Variants in ZNF277 observed in about 807,000 individuals in gnomAD.
The protein encoded by ZNF277 is zinc finger protein 277, also known as nuclear receptor-interacting factor 4.
In ZNF277, 55 loss-of-function variants were observed where a neutral mutation model predicts 60.7. The ratio of observed to expected loss-of-function variants is 0.91; its 90% CI spans 0.73 to 1.13. The LOEUF (loss-of-function observed/expected upper bound fraction) is 1.13, where lower values mean the gene tolerates loss of function less well. ZNF277 is among the 50% of genes most tolerant of loss of function. The pLI, the probability that ZNF277 is intolerant of heterozygous loss-of-function variation, is 0.00. For missense variants in ZNF277, 510 were observed against 523.0 expected, an observed-to-expected ratio of 0.98 and a Z score of 0.24; for synonymous variants, 178 against 179.3, an observed-to-expected ratio of 0.99 and a Z score of 0.06.
At chr7:112,336,214 A>G in intron 8 of ZNF277, 43 bp downstream of exon 8, 1 of 1,547,732 alleles carries the variant, frequency 6.5e-7, no homozygotes, top group East Asian at 2.3e-5. Flanking sequence ...GTGTTCCAAG[A>G]GTAAGAAGAC....
intron 1 of ZNF277, among the ~76,000 whole-genome samples, chr7:112,228,649 ACT>A (rs761906702): frequency 1.0e-4 from 15 of 148,964 alleles, no homozygotes; most frequent in Admixed American, 1.3e-4. Flanking sequence ...CTTTTCCAAC[ACT>A]CTTATTTTTT....
intron 4 of ZNF277, among the ~76,000 whole-genome samples, chr7:112,312,409 C>T (rs539669095): frequency 2.0e-5 from 3 of 152,098 alleles, no homozygotes; most frequent in African/African-American, 7.2e-5. Flanking sequence ...ATTATCTGGA[C>T]ACTACAAGCT....
intron 1 of ZNF277, among the ~76,000 whole-genome samples, chr7:112,245,980 C>T (rs1791073036): frequency 6.6e-6 from 1 of 152,122 alleles, no homozygotes; most frequent in South Asian, 2.1e-4. Context: ...AGCATGGTTC[C>T]ACAACGTAAG....
chr7:112,308,831 C>T (rs1419074345), intron 4 of ZNF277, among the ~76,000 whole-genome samples: 1 of 151,978 alleles, frequency 6.6e-6, no homozygotes, highest in Admixed American at 6.6e-5. Context: ...CAAGAGCCTT[C>T]ATAAGGAAAT....
intron 4 of ZNF277, among the ~76,000 whole-genome samples, chr7:112,301,779 C>A (rs1169101578): frequency 6.6e-6 from 1 of 150,878 alleles, no homozygotes; most frequent in African/African-American, 2.4e-5. Context: ...GTCTTCCTTA[C>A]TAAGATGTCT....
chr7:112,243,484 A>G (rs961253893), intron 1 of ZNF277, among the ~76,000 whole-genome samples: 15 of 129,364 alleles, frequency 1.2e-4, no homozygotes, highest in African/African-American at 4.1e-4. Flanking sequence ...ACTAAACAAG[A>G]AAAAAAAAAA....
intron 5 of ZNF277, among the ~76,000 whole-genome samples, chr7:112,323,549 A>G (rs1584410866): frequency 6.6e-6 from 1 of 152,114 alleles, no homozygotes; most frequent in African/African-American, 2.4e-5. Context: ...AGTGGCTGTG[A>G]GCCTGCTGTT....
At chr7:112,302,778 A>G (rs1483396835) in intron 4 of ZNF277, among the ~76,000 whole-genome samples, 1 of 152,038 alleles carries the variant, frequency 6.6e-6, no homozygotes, top group African/African-American at 2.4e-5. Context: ...TTTAACAGGA[A>G]ATGCAAGGTC....
At chr7:112,250,106 A>G (rs1481376074) in intron 1 of ZNF277, among the ~76,000 whole-genome samples, 1 of 152,160 alleles carries the variant, frequency 6.6e-6, no homozygotes, top group South Asian at 2.1e-4. Flanking sequence ...AGCATGGAAC[A>G]TCCCTGAGAA....
chr7:112,268,475 T>G (rs1273371250), intron 1 of ZNF277, among the ~76,000 whole-genome samples: 4 of 152,144 alleles, frequency 2.6e-5, no homozygotes, highest in Non-Finnish European at 5.9e-5. Context: ...AATGTGTTGC[T>G]TTTTGTCTTT....
chr7:112,243,659 T>TA (rs1432581614), intron 1 of ZNF277, among the ~76,000 whole-genome samples: 1 of 152,014 alleles, frequency 6.6e-6, no homozygotes, highest in South Asian at 2.1e-4. Context: ...TGGCTATAGT[T>TA]AAAAAGTCAA....
chr7:112,278,840 T>A (rs1038840720), intron 1 of ZNF277, among the ~76,000 whole-genome samples: 8 of 152,320 alleles, frequency 5.3e-5, no homozygotes, highest in Middle Eastern at 3.4e-3. Flanking sequence ...ACAACAGATC[T>A]CTAGAACTTT....
intron 5 of ZNF277, among the ~76,000 whole-genome samples, chr7:112,326,742 G>A (rs568344787): frequency 4.0e-5 from 6 of 151,222 alleles, no homozygotes; most frequent in Admixed American, 1.3e-4. Context: ...CATTTTTTTG[G>A]GGGGGGACCA....
At chr7:112,218,761 G>C (rs1821951539) in intron 1 of ZNF277, among the ~76,000 whole-genome samples, 1 of 152,124 alleles carries the variant, frequency 6.6e-6, no homozygotes, top group African/African-American at 2.4e-5. Flanking sequence ...GCATTCTCCA[G>C]GTTCATTCAT....
chr7:112,285,525 C>T (rs1792045729), intron 1 of ZNF277, among the ~76,000 whole-genome samples: 1 of 149,940 alleles, frequency 6.7e-6, no homozygotes, highest in African/African-American at 2.5e-5. Flanking sequence ...ACCTTCACTT[C>T]CCAGGTTCAA....
chr7:112,342,852 T>C lies in ZNF277; in HGVS notation c.*123T>C, dbSNP rs1793472058. 3.9e-6 allele frequency: 3 copies of C among 763,890 alleles called. No individual in the cohort carries two copies. In the South Asian group the frequency reaches 1.5e-4, roughly 37 times the overall value. The allele number at this position is 763,890 out of a possible 1,614,324, so 47.3% of individuals were successfully genotyped here. On this transcript the variant is annotated 3_prime_UTR_variant, in exon 12 of 12. Coordinates refer to ENST00000361822, the MANE Select transcript of ZNF277 (RefSeq NM_021994.3). ...AACAAAAGATTGGTCCTTGGTGAAA[T>C]AAACTTTTCAAAAATGAATGTTCTT... is the stretch of plus-strand genomic sequence containing the variant.
chr7:112,211,046 C>G (rs963558681), intron 1 of ZNF277, among the ~76,000 whole-genome samples: 1 of 152,028 alleles, frequency 6.6e-6, no homozygotes, highest in Non-Finnish European at 1.5e-5. Flanking sequence ...AACTTTTTTC[C>G]CTCCGAATGG....
chr7:112,303,533 A>G (rs974352891), intron 4 of ZNF277, among the ~76,000 whole-genome samples: 4 of 151,978 alleles, frequency 2.6e-5, no homozygotes, highest in Non-Finnish European at 5.9e-5. Context: ...TGCCATGCTG[A>G]TAGCTTTCTT....
intron 5 of ZNF277, among the ~76,000 whole-genome samples, chr7:112,319,867 C>T (rs1011971065): frequency 5.3e-5 from 8 of 151,598 alleles, no homozygotes; most frequent in Non-Finnish European, 1.0e-4. Flanking sequence ...ACGGGCATAA[C>T]AATAAAGGCT....
Sources: gnomAD v4.1 joint callset for allele counts (sites outside exome capture counted in the v4.1 genomes callset) on GRCh38, gnomAD v4.1.1 for gene constraint, MANE v1.5 for transcripts, NCBI Gene and HGNC (gene_info 2026-07-23, HGNC 2026-07-21) for gene names.